Variants in UNC93A observed in about 807,000 individuals in gnomAD.
The protein encoded by UNC93A is N-acetylglucosamine transporter UNC93A.
In UNC93A, 43 loss-of-function variants were observed where a neutral mutation model predicts 47.5. That is an observed-to-expected ratio of 0.91 (90% confidence interval 0.71 to 1.17). UNC93A has a LOEUF of 1.17. Among genes scored for constraint, UNC93A ranks in the 50% most tolerant of loss-of-function variants. The pLI, the probability that UNC93A is intolerant of heterozygous loss-of-function variation, is 0.00. For missense variants in UNC93A, 605 were observed against 577.6 expected, an observed-to-expected ratio of 1.05 and a Z score of -0.49; for synonymous variants, 280 against 258.0, an observed-to-expected ratio of 1.09 and a Z score of -0.82.
At position 167,302,181 on chromosome 6, in the gene UNC93A, C is replaced by T. The variant is rs1353388222; in HGVS notation, c.626-1738C>T. 2.0e-5 allele frequency among the ~76,000 whole-genome samples: 3 copies of T among 152,154 alleles called. No homozygotes were observed. The East Asian group carries it at 5.8e-4, about 29-fold the overall frequency. On this transcript the variant is annotated intron_variant, in intron 4 of 7. Coordinates refer to ENST00000230256, the MANE Select transcript of UNC93A (RefSeq NM_018974.4). ...GCTAGGATTCTGCTGTTTCTGCACA[C>T]AGCTTGGAAGAGAGCTGGCTTTGCA...
At chr6:167,272,187 C>T (rs766357338) in intron 1 of UNC93A, among the ~76,000 whole-genome samples, 3 of 152,218 alleles carry the variant, frequency 2.0e-5, no homozygotes, top group Non-Finnish European at 4.4e-5. Flanking sequence ...GCTGACTCTG[C>T]TGCTCTTTAC....
chr6:167,282,494 T>C (rs1173194285), intron 1 of UNC93A, among the ~76,000 whole-genome samples: 3 of 152,132 alleles, frequency 2.0e-5, no homozygotes, highest in African/African-American at 7.2e-5. Context: ...ACTATTATTG[T>C]TTTCTTGGAG....
At position 167,291,932 on chromosome 6, in the gene UNC93A, G is replaced by T. The variant is rs144024392; in HGVS notation, c.87+356G>T. The stretch of plus-strand genomic sequence containing the variant: ...TGATTGATTGGATGCCCTTGGCTTT[G>T]TGGTTAGGGGCAGCCATGTGAATTT... On this transcript the variant is annotated intron_variant, in intron 1 of 7. Transcript: ENST00000230256. 6.0e-3 allele frequency among the ~76,000 whole-genome samples: 912 copies of T among 152,294 alleles called. 9 individuals carry two copies. The highest frequency in any genetic ancestry group is 0.021 in the African/African-American group (867 of 41,526).
rs1433368994 is a variant in UNC93A, at chr6:167,285,958, CTCTA to C, written c.-51-5479_-51-5476del. Among the ~76,000 whole-genome samples the C allele has an allele frequency of 7.0e-4, 100 of 142,072 alleles. 2 individuals are homozygous for C. The highest frequency in any genetic ancestry group is 1.2e-3 in the Non-Finnish European group (76 of 64,144). 93.2% of individuals were successfully genotyped at this position (142,072 alleles called of 152,430 possible). On this transcript the variant is annotated intron_variant, in intron 1 of 3. Coordinates refer to the UNC93A transcript ENST00000503433. The stretch of plus-strand genomic sequence containing the variant: ...TTTCTTTCTCTCTCTCTCTCTCTCT[CTCTA>C]TATATATATATATATATACACACAC...
rs1184186784 is a variant in UNC93A at position 167,315,414 on chromosome 6, A to G, written c.1336A>G (p.Asn446Asp). The G allele has an allele frequency of 1.2e-6, 2 of 1,613,872 alleles. No homozygotes were observed. The highest frequency in any genetic ancestry group is 1.7e-6 in the Non-Finnish European group (2 of 1,179,892). The change falls in exon 8 of 8, where the codon AAC (asparagine) becomes GAC (aspartate). Residue 446 changes from asparagine (N) to aspartate (D), a missense_variant. Asn to Asp is a conservative substitution (Grantham distance 23). Coordinates refer to ENST00000230256, the MANE Select transcript of UNC93A (RefSeq NM_018974.4). ...PIRPHAPGQVNQAEDEEIQTK... is the reference protein window; with the variant it reads ...PIRPHAPGQVDQAEDEEIQTK... ...CAGACCCCACGCTCCAGGACAGGTC[A>G]ACCAGGCAGAGGATGAAGAAATACA...
At chr6:167,309,689 C>A (rs1465057875) in intron 7 of UNC93A, among the ~76,000 whole-genome samples, 2 of 152,212 alleles carry the variant, frequency 1.3e-5, no homozygotes, top group Admixed American at 6.5e-5. Flanking sequence ...CACATGTGAC[C>A]TCAGATCGCG....
At chr6:167,296,398 A>G in intron 3 of UNC93A, 137 bp downstream of exon 3, 1 of 884,244 alleles carries the variant, frequency 1.1e-6, no homozygotes, top group South Asian at 1.6e-5. Context: ...CACAGGTGAG[A>G]TTCTCAACCT....
At chr6:167,284,573 C>A (rs765568703) in intron 1 of UNC93A, among the ~76,000 whole-genome samples, 2 of 152,202 alleles carry the variant, frequency 1.3e-5, no homozygotes, top group Admixed American at 6.5e-5. Context: ...ACAGAGCTCA[C>A]GTTGCCCACT....
At chr6:167,308,487 G>A (rs115029494) in intron 7 of UNC93A, among the ~76,000 whole-genome samples, 4,833 of 152,064 alleles carry the variant, frequency 0.032, 121 homozygotes, top group Non-Finnish European at 0.043. Context: ...GGGGAGCAGG[G>A]GAGGCCAGGG....
chr6:167,294,775 G>A, intron 2 of UNC93A, 77 bp downstream of exon 2: 1 of 1,437,142 alleles, frequency 7.0e-7, no homozygotes, highest in Non-Finnish European at 9.4e-7. Flanking sequence ...CACATGAGTT[G>A]CATTTGCACC....
At chr6:167,307,972 A>G in intron 7 of UNC93A, 62 bp downstream of exon 7, 2 of 1,594,840 alleles carry the variant, frequency 1.3e-6, no homozygotes, top group Non-Finnish European at 1.7e-6. Context: ...GGCCAAGGCA[A>G]CTGTGGGGCT....
upstream of UNC93A, among the ~76,000 whole-genome samples, chr6:167,290,727 G>C (rs1424096165): frequency 6.6e-6 from 1 of 152,138 alleles, no homozygotes; most frequent in Non-Finnish European, 1.5e-5. Context: ...GGACAACACT[G>C]CCCCAGACCA....
chr6:167,284,648 T>A (rs1783690569), intron 1 of UNC93A, among the ~76,000 whole-genome samples: 1 of 152,288 alleles, frequency 6.6e-6, no homozygotes, highest in African/African-American at 2.4e-5. Flanking sequence ...ATTCATTAAC[T>A]GAACACACTG....
rs181797280 is a variant in UNC93A at position 167,278,112 on chromosome 6, C to T, written c.-52+6654C>T. Among the ~76,000 whole-genome samples, 78 of 152,272 alleles carry T rather than the reference C, an allele frequency of 5.1e-4. 3 individuals carry two copies. Among genetic ancestry groups the T allele is most frequent in the African/African-American group, 1.7e-3 (70 of 41,550 alleles). ...TGTCTTCCTCAGAGCCCAGACTTCC[C>T]GAGGGGTCCTGTCAGGCACAGACAG... On this transcript the variant is annotated intron_variant, in intron 1 of 3. Coordinates refer to the UNC93A transcript ENST00000503433.
At chr6:167,299,762 A>G (rs910204976) in intron 4 of UNC93A, among the ~76,000 whole-genome samples, 65 of 152,180 alleles carry the variant, frequency 4.3e-4, no homozygotes, top group African/African-American at 1.5e-3. Context: ...GTGATGCTGA[A>G]GTCCCTGGAG....
chr6:167,294,262 C>T (rs1048621899), intron 1 of UNC93A, among the ~76,000 whole-genome samples: 1 of 152,190 alleles, frequency 6.6e-6, no homozygotes, highest in Admixed American at 6.5e-5. Context: ...CACAGCCATC[C>T]AGCCCCGGCG....
intron 1 of UNC93A, among the ~76,000 whole-genome samples, chr6:167,279,525 C>G (rs1044360817): frequency 6.6e-6 from 1 of 152,150 alleles, no homozygotes. Context: ...TGAAAATTAT[C>G]TTTCAGATAG....
intron 4 of UNC93A, 187 bp downstream of exon 4, chr6:167,298,257 G>A: frequency 1.1e-6 from 1 of 895,384 alleles, no homozygotes; most frequent in Non-Finnish European, 1.6e-6. Context: ...GTACACCCGT[G>A]CTGTCTAACA....
At chr6:167,292,974 A>C (rs1783875745) in intron 1 of UNC93A, among the ~76,000 whole-genome samples, 1 of 152,162 alleles carries the variant, frequency 6.6e-6, no homozygotes, top group African/African-American at 2.4e-5. Flanking sequence ...GCTGTGGCTC[A>C]GCCACTGTCT....
Sources: gnomAD v4.1 joint callset for allele counts (sites outside exome capture counted in the v4.1 genomes callset) on GRCh38, gnomAD v4.1.1 for gene constraint, MANE v1.5 for transcripts, NCBI Gene and HGNC (gene_info 2026-07-23, HGNC 2026-07-21) for gene names.